MAN1A2: variants seen among roughly 807,000 people sequenced by gnomAD.
The protein encoded by MAN1A2 is mannosyl-oligosaccharide 1,2-alpha-mannosidase IB.
In MAN1A2, 26 loss-of-function variants were observed where a neutral mutation model predicts 75.7. The observed-to-expected ratio is 0.34, with a 90% CI of 0.25 to 0.48. The LOEUF is 0.48. Ranked by LOEUF, MAN1A2 falls within the 20% of genes least tolerant of loss-of-function variation. The pLI, the probability that MAN1A2 is intolerant of heterozygous loss-of-function variation, is 0.99. For missense variants in MAN1A2, 562 were observed against 775.5 expected (o/e 0.72, Z 3.27); for synonymous variants, 247 against 264.6 (o/e 0.93, Z 0.65).
chr1:117,462,570 A>G (rs1202524343), intron 7 of MAN1A2, among the ~76,000 whole-genome samples: 1 of 152,128 alleles, frequency 6.6e-6, no homozygotes, highest in African/African-American at 2.4e-5. Flanking sequence ...GAACAAAGAG[A>G]AGGTTGGAAG....
chr1:117,402,642 T>A (rs1647478289), intron 2 of MAN1A2, among the ~76,000 whole-genome samples: 1 of 151,998 alleles, frequency 6.6e-6, no homozygotes, highest in Admixed American at 6.5e-5. Context: ...TATTGGACAC[T>A]TAAAATATTT....
chr1:117,481,785 C>T (rs1309858645), intron 8 of MAN1A2, among the ~76,000 whole-genome samples: 1 of 151,984 alleles, frequency 6.6e-6, no homozygotes, highest in Non-Finnish European at 1.5e-5. Flanking sequence ...AGGATTGAAA[C>T]TGGCACACTG....
At chr1:117,439,569 C>T (rs933055970) in intron 5 of MAN1A2, among the ~76,000 whole-genome samples, 2 of 151,974 alleles carry the variant, frequency 1.3e-5, no homozygotes, top group African/African-American at 2.4e-5. Context: ...TCTCGGTTCA[C>T]TGCAACCTCC....
At chr1:117,510,652 A>G (rs1005949606) in intron 12 of MAN1A2, among the ~76,000 whole-genome samples, 1 of 152,072 alleles carries the variant, frequency 6.6e-6, no homozygotes, top group South Asian at 2.1e-4. Flanking sequence ...CTAAGTAAAT[A>G]GTGATTAAAA....
rs1456123349 is a variant in MAN1A2 at position 117,466,403 on chromosome 1, C to G, written c.1144C>G (p.Pro382Ala). Residue 382 changes from proline to alanine, a missense_variant, in exon 8 of 13, where the codon CCC becomes GCC. By Grantham distance (27) the Pro-to-Ala change is conservative (BLOSUM62 -1). Around this residue, in one of 2 missense-constraint regions of MAN1A2, gnomAD observed 434 missense variants for 645.7 expected, o/e 0.67. Transcript: ENST00000356554. Reference protein sequence around the residue: ...PNGLYPNYLNPRTGRWGQYHT... With the variant: ...PNGLYPNYLNARTGRWGQYHT... ...TGGTCTTTATCCAAATTATTTGAAC[C>G]CCAGAACAGGGCGCTGGGGTCAGTG... 1 of 1,610,676 alleles carries G rather than the reference C, an allele frequency of 6.2e-7. No homozygotes were observed. The highest frequency in any genetic ancestry group is 8.5e-7 in the Non-Finnish European group (1 of 1,178,132).
chr1:117,414,951 T>C lies in MAN1A2; in HGVS notation c.774+120T>C, dbSNP rs575228703. On this transcript the variant is annotated intron_variant, in intron 4 of 12. Transcript: ENST00000356554. ...TCATATGTTGAAACCTAATCACTAA[T>C]GTGACGGTACTAGAAGATGGGGACT... 4.2e-5 allele frequency: 26 copies of C among 621,216 alleles called. No individual in the cohort carries two copies. The South Asian group carries it at 5.5e-4, about 13-fold the overall frequency. The allele number at this position is 621,216 out of a possible 1,614,324, so 38.5% of individuals were successfully genotyped here.
At chr1:117,437,359 A>C (rs1281812973) in intron 5 of MAN1A2, among the ~76,000 whole-genome samples, 2 of 151,306 alleles carry the variant, frequency 1.3e-5, no homozygotes, top group Non-Finnish European at 2.9e-5. Context: ...TTGAAGTCAG[A>C]AGATTTTAGA....
intron 6 of MAN1A2, among the ~76,000 whole-genome samples, chr1:117,449,127 T>G (rs1649327170): frequency 6.6e-6 from 1 of 152,136 alleles, no homozygotes; most frequent in Admixed American, 6.5e-5. Context: ...GCTCCACAGA[T>G]TGGCCATTCT....
chr1:117,521,542 T>C (rs1651871934), intron 12 of MAN1A2, among the ~76,000 whole-genome samples: 1 of 152,012 alleles, frequency 6.6e-6, no homozygotes, highest in African/African-American at 2.4e-5. Flanking sequence ...TGGGCGTGGA[T>C]GCAGTGATCA....
At chr1:117,472,922 T>C (rs188345169) in intron 8 of MAN1A2, among the ~76,000 whole-genome samples, 175 of 152,140 alleles carry the variant, frequency 1.2e-3, no homozygotes, top group African/African-American at 3.8e-3. Context: ...GCCAAAAGAT[T>C]GGTGGACAAC....
intron 5 of MAN1A2, among the ~76,000 whole-genome samples, chr1:117,422,922 A>G (rs772798874): frequency 2.6e-5 from 4 of 152,106 alleles, no homozygotes; most frequent in Non-Finnish European, 4.4e-5. Context: ...TGGAAGTACA[A>G]TTTACTAATT....
Position 117,402,417 on chromosome 1 carries a change from A to C in MAN1A2, c.534A>C (p.Arg178Ser). 1.3e-6 allele frequency: 2 copies of C among 1,598,264 alleles called. No homozygotes were observed. The highest frequency in any genetic ancestry group is 1.7e-6 in the Non-Finnish European group (2 of 1,175,836). ...RGGDPEDNDIREKREKIKEMM... is the reference protein window; with the variant it reads ...RGGDPEDNDISEKREKIKEMM... Reference sequence around the variant, plus strand: ...GAGACCCAGAAGATAATGACATAAGAGAGAAAAGGGAAAAAATTAAAGAGG... The same window carrying C: ...GAGACCCAGAAGATAATGACATAAGCGAGAAAAGGGAAAAAATTAAAGAGG... Residue 178 changes from arginine (R) to serine (S), a missense_variant, in exon 2 of 13, where the codon AGA (arginine) becomes AGC (serine). By Grantham distance (110) the Arg-to-Ser change is moderately radical (BLOSUM62 -1). Around this residue, in one of 2 missense-constraint regions of MAN1A2, gnomAD observed 434 missense variants for 645.7 expected, o/e 0.67. Transcript: ENST00000356554.
At chr1:117,415,509 G>A (rs773608767) in intron 4 of MAN1A2, among the ~76,000 whole-genome samples, 3 of 151,938 alleles carry the variant, frequency 2.0e-5, no homozygotes, top group Non-Finnish European at 2.9e-5. Context: ...TGCCATTCTT[G>A]GAGCTAACTA....
At chr1:117,520,634 C>T (rs1175393859) in intron 12 of MAN1A2, among the ~76,000 whole-genome samples, 7 of 152,058 alleles carry the variant, frequency 4.6e-5, no homozygotes, top group African/African-American at 1.4e-4. Context: ...AAGACCTTTA[C>T]AAGGAAGACT....
intron 12 of MAN1A2, among the ~76,000 whole-genome samples, chr1:117,504,693 C>T (rs182230184): frequency 4.0e-5 from 6 of 151,474 alleles, no homozygotes; most frequent in Admixed American, 2.0e-4. Flanking sequence ...TCATTTGTTA[C>T]GTTTGGTTGT....
chr1:117,392,702 T>G (rs946785002), intron 1 of MAN1A2, among the ~76,000 whole-genome samples: 2 of 152,252 alleles, frequency 1.3e-5, no homozygotes, highest in East Asian at 1.9e-4. Context: ...TTGAAAACCC[T>G]AGTTAGAATA....
At chr1:117,520,834 G>C (rs1651848612) in intron 12 of MAN1A2, among the ~76,000 whole-genome samples, 1 of 151,744 alleles carries the variant, frequency 6.6e-6, no homozygotes, top group Non-Finnish European at 1.5e-5. Flanking sequence ...AATTCATATG[G>C]AACAAAAAAA....
intron 4 of MAN1A2, among the ~76,000 whole-genome samples, chr1:117,418,298 T>C (rs1451563524): frequency 2.6e-5 from 4 of 152,150 alleles, no homozygotes; most frequent in African/African-American, 4.8e-5. Flanking sequence ...AAACAAGTTA[T>C]ATATAGTACA....
At chr1:117,453,188 A>G (rs1246405101) in intron 6 of MAN1A2, among the ~76,000 whole-genome samples, 3 of 152,266 alleles carry the variant, frequency 2.0e-5, no homozygotes, top group Non-Finnish European at 4.4e-5. Flanking sequence ...GCCCAAGATT[A>G]ATGTTGTTTT....
Sources: gnomAD v4.1 joint callset for allele counts (sites outside exome capture counted in the v4.1 genomes callset) on GRCh38, gnomAD v4.1.1 for gene constraint, gnomAD v4.1.1 regional missense constraint, MANE v1.5 for transcripts, NCBI Gene and HGNC (gene_info 2026-07-23, HGNC 2026-07-21) for gene names.